WWC1: variants seen among roughly 807,000 people sequenced by gnomAD.
The protein encoded by WWC1 is WW and C2 domain containing 1.
WWC1 carries 55 observed loss-of-function variants against 138.4 expected under a neutral mutation model. That is an observed-to-expected ratio of 0.40 (90% CI 0.32 to 0.50). The LOEUF (loss-of-function observed/expected upper bound fraction) is 0.50. Ranked by LOEUF, WWC1 falls within the 20% of genes least tolerant of loss-of-function variation. The pLI is 0.72. For synonymous variants in WWC1, 524 were observed against 564.9 expected, an observed-to-expected ratio of 0.93 and a Z score of 1.03; for missense variants, 1,226 against 1,420.4, an observed-to-expected ratio of 0.86 and a Z score of 2.20.
At chr5:168,342,984 C>T (rs1359288524) in intron 1 of WWC1, among the ~76,000 whole-genome samples, 2 of 152,106 alleles carry the variant, frequency 1.3e-5, no homozygotes, top group Non-Finnish European at 2.9e-5. Context: ...AAATTCCATC[C>T]AATTTGTAGG....
At chr5:168,344,498 A>G (rs1774309282) in intron 1 of WWC1, among the ~76,000 whole-genome samples, 2 of 152,200 alleles carry the variant, frequency 1.3e-5, no homozygotes, top group African/African-American at 4.8e-5. Flanking sequence ...GAGATAGCAG[A>G]TGTCATAAGA....
intron 1 of WWC1, among the ~76,000 whole-genome samples, chr5:168,357,448 CTGTGTGTGTGTG>C (rs67198550): frequency 0.43 from 57,692 of 134,326 alleles, 13,902 homozygotes; most frequent in Non-Finnish European, 0.55. Context: ...AACCTGCCTT[CTGTGTGTGTGTG>C]TGTGTGTGTG....
intron 8 of WWC1, among the ~76,000 whole-genome samples, chr5:168,411,253 G>A (rs2152841381): frequency 6.6e-6 from 1 of 152,226 alleles, no homozygotes; most frequent in South Asian, 2.1e-4. Context: ...TGTACTCTGA[G>A]CCAGTGTTAC....
intron 1 of WWC1, among the ~76,000 whole-genome samples, chr5:168,322,815 A>T (rs940470704): frequency 1.6e-4 from 24 of 152,308 alleles, no homozygotes; most frequent in African/African-American, 5.8e-4. Flanking sequence ...TGTGGTTTCC[A>T]TCCTTAAAAT....
At chr5:168,383,546 G>T (rs1276412402) in intron 2 of WWC1, among the ~76,000 whole-genome samples, 1 of 152,186 alleles carries the variant, frequency 6.6e-6, no homozygotes, top group East Asian at 1.9e-4. Flanking sequence ...TGTTCCCCGG[G>T]CTAGGCATAT....
At chr5:168,449,570 C>CTTTTTTTTTTTTTTTTTTTTTTTTTTT (rs10636051) in intron 17 of WWC1, among the ~76,000 whole-genome samples, 1 of 90,736 alleles carries the variant, frequency 1.1e-5, no homozygotes, top group Non-Finnish European at 2.0e-5. Flanking sequence ...TTTAACAGCT[C>CTTTTTTTTTTTTTTTTTTTTTTTTTTT]TTTTTTTTTT....
At chr5:168,383,499 G>A (rs1393051727) in intron 2 of WWC1, among the ~76,000 whole-genome samples, 1 of 152,200 alleles carries the variant, frequency 6.6e-6, no homozygotes, top group Non-Finnish European at 1.5e-5. Context: ...GGAGGAATGA[G>A]AGCTAAAGGG....
intron 15 of WWC1, among the ~76,000 whole-genome samples, chr5:168,437,258 C>G (rs930205159): frequency 2.0e-5 from 3 of 152,170 alleles, no homozygotes; most frequent in African/African-American, 7.2e-5. Context: ...CCCCTCCTAG[C>G]CCCTTTCCCT....
At chr5:168,345,748 A>G (rs190896053) in intron 1 of WWC1, among the ~76,000 whole-genome samples, 43 of 152,280 alleles carry the variant, frequency 2.8e-4, no homozygotes, top group Middle Eastern at 3.4e-3. Flanking sequence ...TTCATGGGTT[A>G]ATTTTTTAAC....
At position 168,299,586 on chromosome 5, in the gene WWC1, C is replaced by T. The variant is rs111227559; in HGVS notation, c.119+7315C>T. 7.1e-4 allele frequency among the ~76,000 whole-genome samples: 108 copies of T among 152,358 alleles called. 1 individual carries two copies. The highest frequency in any genetic ancestry group is 2.5e-3 in the African/African-American group (102 of 41,588). On this transcript the variant is annotated intron_variant, in intron 1 of 22. Coordinates refer to ENST00000265293, the MANE Select transcript of WWC1 (RefSeq NM_015238.3). The stretch of plus-strand genomic sequence containing the variant: ...TTCCTCTCTGTCGCCATCCCTCCCC[C>T]TCCCGGGGAGAGGGCTTATCCAAAC...
intron 15 of WWC1, among the ~76,000 whole-genome samples, chr5:168,432,874 G>A (rs1205394632): frequency 6.6e-6 from 1 of 152,208 alleles, no homozygotes; most frequent in African/African-American, 2.4e-5. Context: ...CTCCATTTCT[G>A]GAAGCTGGAA....
At position 168,414,426 on chromosome 5, in the gene WWC1, G is replaced by T. The variant is rs776005270; in HGVS notation, c.1020G>T (p.Arg340=). The stretch of plus-strand genomic sequence containing the variant: ...GGGTGCTGGACTCAGAGAGGGACCG[G>T]CTGATCCTTATCAACGAGAAGGAGG... ...WPGVLDSERD[R]LILINEKEEL... The change falls in exon 9 of 23, where the codon CGG becomes CGT. Residue 340 remains arginine (R), a synonymous_variant. Coordinates refer to ENST00000265293, the MANE Select transcript of WWC1 (RefSeq NM_015238.3). The T allele has an allele frequency of 5.0e-6, 8 of 1,597,306 alleles. 1 individual carries two copies. Among genetic ancestry groups the T allele is most frequent in the East Asian group, 2.3e-5 (1 of 44,318 alleles).
chr5:168,461,334 G>GA (rs891856686), intron 20 of WWC1, among the ~76,000 whole-genome samples: 11 of 150,758 alleles, frequency 7.3e-5, no homozygotes, highest in Admixed American at 2.0e-4. Context: ...TCTGTCTCAG[G>GA]AAAAAAAAAG....
intron 15 of WWC1, among the ~76,000 whole-genome samples, chr5:168,437,495 A>G (rs999089990): frequency 2.0e-5 from 3 of 152,158 alleles, no homozygotes; most frequent in Non-Finnish European, 4.4e-5. Flanking sequence ...TGTGGAGTTT[A>G]CCTATGGAGT....
At chr5:168,367,320 T>A (rs1776369643) in intron 1 of WWC1, among the ~76,000 whole-genome samples, 1 of 152,102 alleles carries the variant, frequency 6.6e-6, no homozygotes, top group Admixed American at 6.6e-5. Flanking sequence ...CTTCGTCTTG[T>A]TATTTTTTAT....
chr5:168,458,083 G>C (rs1043717505), intron 19 of WWC1, among the ~76,000 whole-genome samples: 2 of 152,172 alleles, frequency 1.3e-5, no homozygotes, highest in African/African-American at 4.8e-5. Flanking sequence ...GGTTGGCTTT[G>C]TTTCCCACCA....
At chr5:168,336,470 G>T (rs1773462933) in intron 1 of WWC1, among the ~76,000 whole-genome samples, 1 of 151,118 alleles carries the variant, frequency 6.6e-6, no homozygotes, top group South Asian at 2.1e-4. Context: ...TACTAGGGAG[G>T]CTGAGGCAGG....
Position 168,292,158 on chromosome 5 carries a change from C to A in WWC1, c.6C>A (p.Pro2=). M[P]RPELPLPEGW... Reference sequence around the variant, plus strand: ...CGCCGGCAGCGCTTGGGAAGATGCCCCGGCCGGAGCTGCCCCTGCCGGAGG... The same window carrying A: ...CGCCGGCAGCGCTTGGGAAGATGCCACGGCCGGAGCTGCCCCTGCCGGAGG... The change falls in exon 1 of 23, where the codon CCC becomes CCA. Residue 2 remains proline, a synonymous_variant. Transcript: ENST00000265293. The surrounding 1 kb of genome is among the most constrained non-coding windows in gnomAD (Gnocchi z 4.4). 6.5e-7 allele frequency: 1 copy of A among 1,540,192 alleles called. No homozygotes were observed. Among genetic ancestry groups the A allele is most frequent in the South Asian group, 1.2e-5 (1 of 82,374 alleles).
intron 11 of WWC1, among the ~76,000 whole-genome samples, chr5:168,426,234 C>T (rs1005241468): frequency 4.6e-5 from 7 of 152,162 alleles, no homozygotes; most frequent in African/African-American, 1.2e-4. Flanking sequence ...TAAAAGCAAG[C>T]GCCCTACTAT....
Sources: allele counts gnomAD v4.1 joint callset (sites outside exome capture counted in the v4.1 genomes callset), GRCh38; gene constraint gnomAD v4.1.1; non-coding constraint Gnocchi (gnomAD v3.1); transcripts MANE v1.5; gene names NCBI Gene and HGNC (gene_info 2026-07-23, HGNC 2026-07-21).